Variants in PARD3B observed in about 807,000 individuals in gnomAD.
PARD3B encodes the protein partitioning defective 3 homolog B.
Under a neutral mutation model 130.2 loss-of-function variants are expected in PARD3B, and 103 were observed. The observed-to-expected ratio is 0.79, with a 90% confidence interval of 0.67 to 0.93. PARD3B has a LOEUF of 0.93. PARD3B is among the 40% of genes least tolerant of loss of function. The pLI is 0.00. For missense variants in PARD3B, 1,609 were observed against 1,499.2 expected, an observed-to-expected ratio of 1.07 and a Z score of -1.21; for synonymous variants, 583 against 553.2, an observed-to-expected ratio of 1.05 and a Z score of -0.76.
At chr2:205,567,649 G>A (rs2053405656) in intron 22 of PARD3B, among the ~76,000 whole-genome samples, 1 of 151,730 alleles carries the variant, frequency 6.6e-6, no homozygotes. Flanking sequence ...AGCAATAACA[G>A]TAACAAGGAA....
At chr2:205,506,635 G>T (rs2050376341) in intron 21 of PARD3B, among the ~76,000 whole-genome samples, 1 of 152,192 alleles carries the variant, frequency 6.6e-6, no homozygotes, top group Admixed American at 6.5e-5. Flanking sequence ...AATAGCCAAA[G>T]AAGTATAAAA....
At chr2:205,489,551 T>TATATACGTATATATACAC (rs1553524259) in intron 20 of PARD3B, among the ~76,000 whole-genome samples, 2 of 138,494 alleles carry the variant, frequency 1.4e-5, no homozygotes, top group Admixed American at 7.5e-5. Context: ...TATATATGTA[T>TATATACGTATATATACAC]ATATATACAT....
At chr2:205,328,833 G>T (rs754896674) in intron 18 of PARD3B, among the ~76,000 whole-genome samples, 1 of 152,004 alleles carries the variant, frequency 6.6e-6, no homozygotes, top group African/African-American at 2.4e-5. Context: ...CTTCTAAAAG[G>T]CCAGTATGTT....
At chr2:205,471,057 G>T (rs1452754794) in intron 20 of PARD3B, among the ~76,000 whole-genome samples, 1 of 152,140 alleles carries the variant, frequency 6.6e-6, no homozygotes, top group Non-Finnish European at 1.5e-5. Flanking sequence ...CTTTAATTCA[G>T]TGACTGGCAG....
At chr2:205,427,997 A>G (rs548537357) in intron 19 of PARD3B, among the ~76,000 whole-genome samples, 1 of 152,246 alleles carries the variant, frequency 6.6e-6, no homozygotes, top group East Asian at 1.9e-4. Context: ...CAGCAAATTC[A>G]TATGTTGAAA....
At chr2:205,553,088 T>C (rs574397100) in intron 21 of PARD3B, among the ~76,000 whole-genome samples, 2 of 152,168 alleles carry the variant, frequency 1.3e-5, no homozygotes, top group Non-Finnish European at 2.9e-5. Flanking sequence ...CATGGGGACA[T>C]GAGGGAGTCA....
chr2:205,168,441 A>C (rs1325072015), intron 11 of PARD3B, among the ~76,000 whole-genome samples: 1 of 152,194 alleles, frequency 6.6e-6, no homozygotes, highest in Non-Finnish European at 1.5e-5. Context: ...TAATATTCTC[A>C]TGCCTAAATA....
chr2:204,737,187 G>A lies in PARD3B; in HGVS notation c.222+50905G>A, dbSNP rs1454716194. Among the ~76,000 whole-genome samples the A allele has an allele frequency of 3.3e-5, 5 of 152,282 alleles. No individual in the cohort carries two copies. In the East Asian group the frequency reaches 9.7e-4, roughly 29 times the overall value. ...GGGTTTCTCCATGTTGGTCAGGCTG[G>A]TCTCGACCTCAGGTGATCCGCCTGC... On this transcript the variant is annotated intron_variant, in intron 2 of 22. Coordinates refer to ENST00000406610, the MANE Select transcript of PARD3B (RefSeq NM_001302769.2).
At chr2:205,382,067 A>C (rs2105947486) in intron 18 of PARD3B, among the ~76,000 whole-genome samples, 1 of 152,232 alleles carries the variant, frequency 6.6e-6, no homozygotes, top group Admixed American at 6.6e-5. Flanking sequence ...AAACTAAGAA[A>C]TTAACATGGT....
intron 1 of PARD3B, among the ~76,000 whole-genome samples, chr2:204,611,690 A>G (rs2033928078): frequency 6.6e-6 from 1 of 152,188 alleles, no homozygotes; most frequent in African/African-American, 2.4e-5. Flanking sequence ...CCATATTCTT[A>G]ATGTTCTTAC....
intron 2 of PARD3B, 135 bp downstream of exon 2, chr2:204,686,417 C>T: frequency 1.5e-6 from 1 of 660,012 alleles, no homozygotes; most frequent in Non-Finnish European, 2.6e-6. Context: ...ACCTGGACAG[C>T]CCATAAATCA....
At chr2:204,666,418 A>G (rs1304702240) in intron 1 of PARD3B, among the ~76,000 whole-genome samples, 1 of 152,158 alleles carries the variant, frequency 6.6e-6, no homozygotes, top group African/African-American at 2.4e-5. Flanking sequence ...TTTTTGGATT[A>G]AAGCAGTAGT....
Position 205,158,643 on chromosome 2 carries a change from CTG to C in PARD3B, c.1435-75_1435-74del. On this transcript the variant is annotated intron_variant, in intron 10 of 22. Coordinates refer to ENST00000406610, the MANE Select transcript of PARD3B (RefSeq NM_001302769.2). The surrounding 1 kb of genome is among the most constrained non-coding windows in gnomAD (Gnocchi z 5.4). ...AGTCATCCTGTCCTACTGATTGCAT[CTG>C]TGTCTGGTCATCTGAGAGAGTGAAA... 1 of 1,374,818 alleles carries C rather than the reference CTG, an allele frequency of 7.3e-7. No homozygotes were observed. The highest frequency in any genetic ancestry group is 1.0e-6 in the Non-Finnish European group (1 of 996,732). The allele number at this position is 1,374,818 out of a possible 1,614,324, so 85.2% of individuals were successfully genotyped here. A position where few individuals can be genotyped will look rare whatever the true frequency, so the allele number is the denominator to read the frequency against.
At chr2:205,113,078 C>T (rs1268076603) in intron 5 of PARD3B, among the ~76,000 whole-genome samples, 1 of 152,122 alleles carries the variant, frequency 6.6e-6, no homozygotes, top group Non-Finnish European at 1.5e-5. Flanking sequence ...AGAGAAGAAG[C>T]CTACTTTATG....
intron 2 of PARD3B, among the ~76,000 whole-genome samples, chr2:204,819,785 AG>A (rs2043273377): frequency 6.6e-6 from 1 of 152,186 alleles, no homozygotes; most frequent in Non-Finnish European, 1.5e-5. Flanking sequence ...GAGAAGGTTG[AG>A]TAGTCTAGAT....
intron 22 of PARD3B, among the ~76,000 whole-genome samples, chr2:205,569,193 G>T (rs979036021): frequency 4.7e-5 from 7 of 149,864 alleles, no homozygotes; most frequent in Non-Finnish European, 7.4e-5. Flanking sequence ...TTAGTTTGTT[G>T]TAGCTTATCT....
chr2:205,485,818 C>G (rs1448767480), intron 20 of PARD3B, among the ~76,000 whole-genome samples: 1 of 152,170 alleles, frequency 6.6e-6, no homozygotes, highest in Non-Finnish European at 1.5e-5. Flanking sequence ...CATGCCCAGC[C>G]ACCCTCTCTT....
chr2:204,617,844 G>C (rs2034166779), intron 1 of PARD3B, among the ~76,000 whole-genome samples: 1 of 152,186 alleles, frequency 6.6e-6, no homozygotes, highest in Non-Finnish European at 1.5e-5. Flanking sequence ...ATGGCCTCCA[G>C]CTCCATTCAC....
intron 1 of PARD3B, among the ~76,000 whole-genome samples, chr2:204,667,007 T>C (rs1407083518): frequency 6.6e-6 from 1 of 152,126 alleles, no homozygotes; most frequent in Non-Finnish European, 1.5e-5. Context: ...ACTGGACATA[T>C]GCATTGAATG....
Sources: allele counts gnomAD v4.1 joint callset (sites outside exome capture counted in the v4.1 genomes callset), GRCh38; gene constraint gnomAD v4.1.1; non-coding constraint Gnocchi (gnomAD v3.1); transcripts MANE v1.5; gene names NCBI Gene and HGNC (gene_info 2026-07-23, HGNC 2026-07-21).